ARHGAP18: variants seen among roughly 807,000 people sequenced by gnomAD.
ARHGAP18 encodes the protein Rho GTPase activating protein 18.
ARHGAP18 carries 67 observed loss-of-function variants against 86.2 expected under a neutral mutation model. The observed-to-expected ratio is 0.78, with a 90% CI of 0.64 to 0.95. The LOEUF is 0.95. ARHGAP18 is among the 40% of genes least tolerant of loss of function. ARHGAP18 has a pLI of 0.00. For synonymous variants in ARHGAP18, 283 were observed against 280.4 expected (o/e 1.01, Z -0.09); for missense variants, 691 against 780.4 (o/e 0.89, Z 1.37).
intron 1 of ARHGAP18, among the ~76,000 whole-genome samples, chr6:129,684,781 G>T (rs1470432130): frequency 1.3e-5 from 2 of 152,118 alleles, no homozygotes; most frequent in African/African-American, 4.8e-5. Flanking sequence ...AATCATGAAA[G>T]CCAAGAAATT....
intron 1 of ARHGAP18, among the ~76,000 whole-genome samples, chr6:129,689,816 T>C (rs1296641690): frequency 6.6e-6 from 1 of 152,200 alleles, no homozygotes; most frequent in East Asian, 1.9e-4. Flanking sequence ...GCATTTGCTT[T>C]TCACAGAAAC....
chr6:129,664,305 C>T (rs1329765104), intron 1 of ARHGAP18, among the ~76,000 whole-genome samples: 3 of 152,156 alleles, frequency 2.0e-5, no homozygotes, highest in South Asian at 2.1e-4. Flanking sequence ...GTGGTCCTTC[C>T]TTTATCAGTA....
In ARHGAP18 at chr6:129,578,570, C is replaced by G; in HGVS notation, c.1935G>C (p.Lys645Asn). ...ERCLDDDTYMKDLYQLNPNAE... is the reference protein window; with the variant it reads ...ERCLDDDTYMNDLYQLNPNAE... ...CATTTGGGTTAAGCTGATATAAATC[C>G]TTCATGTAAGTGTCATCATCAAGGC... is the stretch of plus-strand genomic sequence containing the variant. Residue 645 changes from lysine to asparagine, a missense_variant, in exon 15 of 15, where the codon AAG becomes AAC. Transcript: ENST00000368149. 6.2e-7 allele frequency: 1 copy of G among 1,611,484 alleles called. No homozygotes were observed.
intron 5 of ARHGAP18, among the ~76,000 whole-genome samples, chr6:129,624,032 G>A (rs1262416860): frequency 6.6e-6 from 1 of 152,246 alleles, no homozygotes; most frequent in East Asian, 1.9e-4. Flanking sequence ...AAGAAGGTAG[G>A]TGAAGGTAAA....
At chr6:129,683,363 G>A (rs189339665) in intron 1 of ARHGAP18, among the ~76,000 whole-genome samples, 102 of 152,224 alleles carry the variant, frequency 6.7e-4, no homozygotes, top group African/African-American at 2.4e-3. Context: ...GAGCCACCAC[G>A]CCCGGCCTTG....
intron 5 of ARHGAP18, among the ~76,000 whole-genome samples, chr6:129,625,867 ATATAT>A (rs1330596183): frequency 1.3e-5 from 1 of 75,018 alleles, no homozygotes; most frequent in Non-Finnish European, 2.4e-5. Context: ...TTTATATATT[ATATAT>A]TATATATTTA....
At chr6:129,612,112 G>A (rs1305957990) in intron 7 of ARHGAP18, among the ~76,000 whole-genome samples, 2 of 152,110 alleles carry the variant, frequency 1.3e-5, no homozygotes, top group African/African-American at 2.4e-5. Flanking sequence ...CCTTGTATAT[G>A]GCCTCTAAGT....
chr6:129,705,432 GC>G (rs1204754459), intron 1 of ARHGAP18, among the ~76,000 whole-genome samples: 1 of 152,056 alleles, frequency 6.6e-6, no homozygotes, highest in African/African-American at 2.4e-5. Context: ...AGACCTCAAT[GC>G]CCATCAATAC....
intron 1 of ARHGAP18, among the ~76,000 whole-genome samples, chr6:129,651,109 T>C (rs1773702568): frequency 1.3e-5 from 2 of 152,210 alleles, no homozygotes; most frequent in Non-Finnish European, 2.9e-5. Flanking sequence ...ATTAAAGTAC[T>C]ACTGCCTCTA....
intron 4 of ARHGAP18, among the ~76,000 whole-genome samples, chr6:129,633,304 A>C (rs1773257335): frequency 6.6e-6 from 1 of 151,320 alleles, no homozygotes. Flanking sequence ...GCATGGTGGC[A>C]CATGCCTGTA....
At chr6:129,645,345 A>G (rs1773556640) in intron 1 of ARHGAP18, among the ~76,000 whole-genome samples, 2 of 152,200 alleles carry the variant, frequency 1.3e-5, no homozygotes, top group South Asian at 4.1e-4. Context: ...ATGTTATATG[A>G]TATCATGTTC....
chr6:129,588,588 C>A (rs548726378), intron 12 of ARHGAP18, among the ~76,000 whole-genome samples: 76 of 152,318 alleles, frequency 5.0e-4, no homozygotes, highest in Non-Finnish European at 9.4e-4. Context: ...GTGTCTGCAG[C>A]CTTTCCAGGC....
chr6:129,651,159 C>T (rs921789472), intron 1 of ARHGAP18, among the ~76,000 whole-genome samples: 2 of 149,128 alleles, frequency 1.3e-5, no homozygotes, highest in East Asian at 3.9e-4. Flanking sequence ...TTGCACAAAA[C>T]TACAAAGAAG....
intron 1 of ARHGAP18, among the ~76,000 whole-genome samples, chr6:129,693,908 C>T (rs1774569198): frequency 6.6e-6 from 1 of 151,980 alleles, no homozygotes; most frequent in African/African-American, 2.4e-5. Context: ...GTTATACGAA[C>T]AGCTGACCAT....
At chr6:129,705,775 G>A (rs1004662639) in intron 1 of ARHGAP18, among the ~76,000 whole-genome samples, 4 of 152,124 alleles carry the variant, frequency 2.6e-5, no homozygotes, top group Non-Finnish European at 5.9e-5. Context: ...CTTGACAGAG[G>A]TCATCCCACT....
chr6:129,707,064 T>TA (rs1165380517), intron 1 of ARHGAP18, among the ~76,000 whole-genome samples: 159 of 140,750 alleles, frequency 1.1e-3, no homozygotes, highest in African/African-American at 2.4e-3. Context: ...CCGACTCCAC[T>TA]AAAAAAAAAA....
At chr6:129,596,716 A>G (rs569339159) in intron 12 of ARHGAP18, 2 of 152,190 alleles carry the variant, frequency 1.3e-5, no homozygotes, top group African/African-American at 4.8e-5. Flanking sequence ...TTCATATTGC[A>G]TATTTAAATG....
intron 12 of ARHGAP18, among the ~76,000 whole-genome samples, chr6:129,594,861 T>C (rs1219462073): frequency 6.6e-6 from 1 of 152,150 alleles, no homozygotes; most frequent in Non-Finnish European, 1.5e-5. Context: ...ATAAAACATA[T>C]TTTATAACAG....
chr6:129,607,995 C>T lies in ARHGAP18; in HGVS notation c.1180G>A (p.Val394Ile), dbSNP rs779773986. Residue 394 changes from valine (V) to isoleucine (I), a missense_variant, in exon 9 of 15, where the codon GTC becomes ATC. Val to Ile is a conservative substitution (Grantham distance 29, BLOSUM62 3). Transcript: ENST00000368149. ...AGGCTGGCGGCATCATGCTGTTTGACACTTTCCCAATTAAAAGTCCCTTCA... is the reference window on the plus strand; with the variant it reads ...AGGCTGGCGGCATCATGCTGTTTGATACTTTCCCAATTAAAAGTCCCTTCA... ...FYEGTFNWESVKQHDAASLLK... is the reference protein window; with the variant it reads ...FYEGTFNWESIKQHDAASLLK... 1.9e-6 allele frequency: 3 copies of T among 1,566,198 alleles called. No homozygotes were observed. The highest frequency in any genetic ancestry group is 2.6e-6 in the Non-Finnish European group (3 of 1,150,706).
Sources: gnomAD v4.1 joint callset for allele counts (sites outside exome capture counted in the v4.1 genomes callset) on GRCh38, gnomAD v4.1.1 for gene constraint, MANE v1.5 for transcripts, NCBI Gene and HGNC (gene_info 2026-07-23, HGNC 2026-07-21) for gene names.